The following MEGF8 variants were observed in gnomAD, a reference collection of about 807,000 sequenced individuals.
MEGF8 encodes the protein multiple epidermal growth factor-like domains protein 8.
A neutral mutation model predicts 302.9 loss-of-function variants in MEGF8; 156 were observed. The observed-to-expected ratio is 0.52, with a 90% CI of 0.45 to 0.59. The LOEUF (loss-of-function observed/expected upper bound fraction) is 0.59, where lower values mean the gene tolerates loss of function less well. Ranked by LOEUF, MEGF8 falls within the 20% of genes least tolerant of loss-of-function variation. The pLI, the probability that MEGF8 is intolerant of heterozygous loss-of-function variation, is 0.00. For synonymous variants in MEGF8, 1,621 were observed against 1,660.5 expected (o/e 0.98, Z 0.58); for missense variants, 3,345 against 3,964.5 (o/e 0.84, Z 4.20).
chr19:42,376,444 T>A lies in MEGF8; in HGVS notation c.8207T>A (p.Leu2736Gln). The A allele has an allele frequency of 6.2e-7, 1 of 1,611,730 alleles. No individual in the cohort carries two copies. The highest frequency in any genetic ancestry group is 8.5e-7 in the Non-Finnish European group (1 of 1,179,396). ...RRSEPFLAPLLLTGAGGPWGP... is the reference protein window; with the variant it reads ...RRSEPFLAPLQLTGAGGPWGP... ...TCTGAGCCCTTCCTGGCACCCCTGC[T>A]GCTGACAGGGGCCGGTGGGCCCTGG... The change falls in exon 42 of 42, where the codon CTG becomes CAG. Residue 2736 changes from leucine (L) to glutamine (Q), a missense_variant. Transcript: ENST00000251268. This position sits in a 1 kb window ranked among gnomAD's most constrained non-coding sequence, Gnocchi z 8.2.
chr19:42,378,387 G>A lies in MEGF8; in HGVS notation c.*1612G>A, dbSNP rs1036794574. The A allele has an allele frequency of 2.6e-5, 4 of 153,802 alleles. No homozygotes were observed. The highest frequency in any genetic ancestry group is 6.5e-5 in the Admixed American group (1 of 15,288). The allele number at this position is 153,802 out of a possible 1,614,324, so 9.5% of individuals were successfully genotyped here. On this transcript the variant is annotated 3_prime_UTR_variant, in exon 42 of 42. Coordinates refer to ENST00000251268, the MANE Select transcript of MEGF8 (RefSeq NM_001271938.2). ...ACCTCTGCCTGAGATCCCACCCCAGGTGGGCATGGGGGCCACTGAGGTTGG... is the reference window on the plus strand; with the variant it reads ...ACCTCTGCCTGAGATCCCACCCCAGATGGGCATGGGGGCCACTGAGGTTGG...
intron 41 of MEGF8, among the ~76,000 whole-genome samples, chr19:42,371,688 C>G (rs777621779): frequency 1.9e-4 from 29 of 152,290 alleles, no homozygotes; most frequent in Non-Finnish European, 3.5e-4. Context: ...ATATGAGCCT[C>G]TGGGGGACTC....
rs115881900 is a variant in MEGF8 at position 42,341,998 on chromosome 19, G to T, written c.1514-1479G>T. On this transcript the variant is annotated intron_variant, in intron 8 of 41. Coordinates refer to ENST00000251268, the MANE Select transcript of MEGF8 (RefSeq NM_001271938.2). ...AAAGGAGAGAGAGGAGAGGACAAGC[G>T]TAAGGAAGGAACCTTAGCACTTAAG... 2.9e-3 allele frequency among the ~76,000 whole-genome samples: 447 copies of T among 152,308 alleles called. 6 individuals carry two copies. Among genetic ancestry groups the T allele is most frequent in the African/African-American group, 0.01 (434 of 41,562 alleles).
In MEGF8 at chr19:42,368,575, C is replaced by T. The variant is rs371194840; in HGVS notation, c.6394C>T (p.Arg2132Trp). 1.8e-5 allele frequency: 29 copies of T among 1,586,918 alleles called. No individual in the cohort carries two copies. Among genetic ancestry groups the T allele is most frequent in the Middle Eastern group, 3.3e-4 (2 of 6,022 alleles). Reference sequence around the variant, plus strand: ...GGCAACTCAGTGCGCCTTGTGCCTGCGGCGCCCCCATTGCGGCTGGTGTGC... The same window carrying T: ...GGCAACTCAGTGCGCCTTGTGCCTGTGGCGCCCCCATTGCGGCTGGTGTGC... ...AQATQCALCL[R>W]RPHCGWCAWG... is the part of the protein sequence containing the mutation. The change falls in exon 36 of 42, where the codon CGG becomes TGG. Residue 2132 changes from arginine to tryptophan, a missense_variant. Arg to Trp is a moderately radical substitution (Grantham distance 101). Transcript: ENST00000251268. This position sits in a 1 kb window ranked among gnomAD's most constrained non-coding sequence, Gnocchi z 4.9.
At position 42,356,327 on chromosome 19, in the gene MEGF8, A is replaced by C. The variant is rs1255758141; in HGVS notation, c.4504-8A>C. ...AGCCTGATCCCCAATGTCCGCACCC[A>C]CCCCTAGGACACTGCCAGCCGCTTC... On this transcript the variant is annotated splice_region_variant and splice_polypyrimidine_tract_variant and intron_variant, in intron 25 of 41. Transcript: ENST00000251268. This position sits in a 1 kb window ranked among gnomAD's most constrained non-coding sequence, Gnocchi z 5.2. 1.4e-5 allele frequency: 22 copies of C among 1,608,644 alleles called. No homozygotes were observed. The highest frequency in any genetic ancestry group is 1.7e-5 in the Non-Finnish European group (20 of 1,178,172).
In MEGF8 at chr19:42,375,983, G is replaced by A; in HGVS notation, c.7746G>A (p.Glu2582=). The A allele has an allele frequency of 6.2e-7, 1 of 1,606,952 alleles. No individual in the cohort carries two copies. Among genetic ancestry groups the A allele is most frequent in the South Asian group, 1.1e-5 (1 of 90,670 alleles). ...RGLITYVTVT[E]PSAVLVVRGV... ...TGATTACCTACGTGACGGTGACGGA[G>A]CCGTCGGCAGTGCTGGTGGTCCGCG... Residue 2582 remains glutamate, a synonymous_variant, in exon 42 of 42, where the codon GAG becomes GAA. Coordinates refer to ENST00000251268, the MANE Select transcript of MEGF8 (RefSeq NM_001271938.2). This position sits in a 1 kb window ranked among gnomAD's most constrained non-coding sequence, Gnocchi z 7.1.
At position 42,326,148 on chromosome 19, in the gene MEGF8, T is replaced by C. The variant is rs552665692; in HGVS notation, c.-96T>C. On this transcript the variant is annotated 5_prime_UTR_variant, in exon 1 of 42. It removes the in-frame stop codon of an upstream open reading frame in the 5' UTR. Coordinates refer to ENST00000251268, the MANE Select transcript of MEGF8 (RefSeq NM_001271938.2). ...GATCTACAAGGTCATGTTATGCCTA[T>C]AGAGGTCGCATTTGCAGGGCCTCAC... 5 of 1,397,432 alleles carry C rather than the reference T, an allele frequency of 3.6e-6. No individual in the cohort carries two copies. Among genetic ancestry groups the C allele is most frequent in the Middle Eastern group, 2.7e-4 (1 of 3,772 alleles). The allele number at this position is 1,397,432 out of a possible 1,614,324, so 86.6% of individuals were successfully genotyped here.
At position 42,352,245 on chromosome 19, in the gene MEGF8, G is replaced by T. The variant is rs1320734567; in HGVS notation, c.3139G>T (p.Gly1047Cys). 16 of 1,558,330 alleles carry T rather than the reference G, an allele frequency of 1.0e-5. No individual in the cohort carries two copies. The highest frequency in any genetic ancestry group is 1.4e-5 in the African/African-American group (1 of 73,816). ...QGDFSGPLGG[G>C]NCSLWVGEGL... ...GGACTTCTCAGGGCCCCTCGGTGGG[G>T]GTAACTGCTCCCTGTGGGTGGGGGA... The change falls in exon 19 of 42, where the codon GGT becomes TGT. Residue 1047 changes from glycine to cysteine, a missense_variant. By Grantham distance (159) the Gly-to-Cys change is radical. Transcript: ENST00000251268. This position sits in a 1 kb window ranked among gnomAD's most constrained non-coding sequence, Gnocchi z 4.4.
chr19:42,355,658 T>C, intron 23 of MEGF8, 100 bp from the exon 24 acceptor site: 1 of 1,437,364 alleles, frequency 7.0e-7, no homozygotes, highest in Non-Finnish European at 9.2e-7. Flanking sequence ...ATATGGTGCC[T>C]TCCTTCCCTG....
chr19:42,334,126 G>C lies in MEGF8; in HGVS notation c.471G>C (p.Val157=). The stretch of plus-strand genomic sequence containing the variant: ...ACGGGCAGTGCCAGCCACCGGGTGT[G>C]TGTGCCTGCGAGCCGGGCTGGGGGG... ...QSHGQCQPPG[V]CACEPGWGGP... Residue 157 remains valine, a synonymous_variant, in exon 3 of 42, where the codon GTG becomes GTC. Coordinates refer to ENST00000251268, the MANE Select transcript of MEGF8 (RefSeq NM_001271938.2). 6.2e-7 allele frequency: 1 copy of C among 1,612,572 alleles called. No individual in the cohort carries two copies. The highest frequency in any genetic ancestry group is 8.5e-7 in the Non-Finnish European group (1 of 1,179,786).
In MEGF8 at chr19:42,350,380, C is replaced by G; in HGVS notation, c.2732C>G (p.Thr911Ser). The change falls in exon 15 of 42, where the codon ACC becomes AGC. Residue 911 changes from threonine (T) to serine (S), a missense_variant. Transcript: ENST00000251268. ...GAGCATCGGGACTGCCACGCCTGCA[C>G]CCAGGTGCCTGTGGGGCCACCAGGG... ...CEEHRDCHACTQDPFCEWHQS... is the reference protein window; with the variant it reads ...CEEHRDCHACSQDPFCEWHQS... The G allele has an allele frequency of 6.5e-7, 1 of 1,537,360 alleles. No homozygotes were observed. The highest frequency in any genetic ancestry group is 8.8e-7 in the Non-Finnish European group (1 of 1,142,640).
Position 42,349,622 on chromosome 19 carries a change from C to T in MEGF8, c.2422C>T (p.Gln808Ter). 6.2e-7 allele frequency: 1 copy of T among 1,612,288 alleles called. No individual in the cohort carries two copies. The highest frequency in any genetic ancestry group is 8.5e-7 in the Non-Finnish European group (1 of 1,179,810). Reference protein sequence around the residue: ...DHKYAVEIQGQLNGSAGPGHS... With the variant: ...DHKYAVEIQG ...CAAGTATGCAGTAGAGATCCAGGGCCAGCTCAATGGCTCGGCAGGCCCTGG... is the reference window on the plus strand; with the variant it reads ...CAAGTATGCAGTAGAGATCCAGGGCTAGCTCAATGGCTCGGCAGGCCCTGG... The change falls in exon 14 of 42, where the codon CAG becomes TAG. Residue 808 changes from glutamine (Q) to a stop codon, truncating the protein, a stop_gained. Coordinates refer to ENST00000251268, the MANE Select transcript of MEGF8 (RefSeq NM_001271938.2). LOFTEE classifies it high-confidence loss of function.
At position 42,376,055 on chromosome 19, in the gene MEGF8, C is replaced by A; in HGVS notation, c.7818C>A (p.Ala2606=). 6.2e-7 allele frequency: 1 copy of A among 1,604,430 alleles called. No individual in the cohort carries two copies. ...LVITYPHEHH[A]LKSSRFYLLL... ...TCACCTACCCACACGAGCACCATGC[C>A]CTCAAGTCGAGCCGCTTCTACCTGC... The change falls in exon 42 of 42, where the codon GCC becomes GCA. Residue 2606 remains alanine (A), a synonymous_variant. Coordinates refer to ENST00000251268, the MANE Select transcript of MEGF8 (RefSeq NM_001271938.2). The surrounding 1 kb of genome is among the most constrained non-coding windows in gnomAD (Gnocchi z 8.2).
At position 42,334,053 on chromosome 19, in the gene MEGF8, T is replaced by A. The variant is rs773970699; in HGVS notation, c.398T>A (p.Phe133Tyr). The A allele has an allele frequency of 5.0e-6, 8 of 1,613,852 alleles. No individual in the cohort carries two copies. The highest frequency in any genetic ancestry group is 6.8e-6 in the Non-Finnish European group (8 of 1,179,842). ...FSDANYNLLG[F>Y]NASFRFSLCP... Reference sequence around the variant, plus strand: ...GATGCCAACTACAACCTGCTGGGCTTTAACGCCTCATTCCGCTTCTCCCTG... The same window carrying A: ...GATGCCAACTACAACCTGCTGGGCTATAACGCCTCATTCCGCTTCTCCCTG... Residue 133 changes from phenylalanine to tyrosine, a missense_variant, in exon 3 of 42, where the codon TTT becomes TAT. Physicochemically the swap from Phe to Tyr is conservative, Grantham distance 22 (BLOSUM62 3). Coordinates refer to ENST00000251268, the MANE Select transcript of MEGF8 (RefSeq NM_001271938.2).
chr19:42,366,821 C>T (rs946412597), intron 35 of MEGF8, among the ~76,000 whole-genome samples: 1 of 152,192 alleles, frequency 6.6e-6, no homozygotes, highest in South Asian at 2.1e-4. Context: ...TCAGGGTTCT[C>T]TACCCCTCCC....
intron 5 of MEGF8, 36 bp from the exon 6 acceptor site, chr19:42,335,895 G>T: frequency 7.0e-7 from 1 of 1,437,752 alleles, no homozygotes; most frequent in African/African-American, 1.4e-5. Context: ...CTCTCTTGCT[G>T]TGTCTCTACC....
At chr19:42,346,984 C>CAAA (rs767117534) in intron 12 of MEGF8, among the ~76,000 whole-genome samples, 3 of 49,756 alleles carry the variant, frequency 6.0e-5, no homozygotes, top group African/African-American at 1.5e-4. Context: ...GACTCTGTCT[C>CAAA]AAAAAAAAAA....
Position 42,336,079 on chromosome 19 carries a change from C to G in MEGF8, c.977C>G (p.Ser326Cys). The change falls in exon 6 of 42, where the codon TCC (serine) becomes TGC (cysteine). Residue 326 changes from serine (S) to cysteine (C), a missense_variant. Physicochemically the swap from Ser to Cys is moderately radical, Grantham distance 112. Coordinates refer to ENST00000251268, the MANE Select transcript of MEGF8 (RefSeq NM_001271938.2). The surrounding 1 kb of genome is among the most constrained non-coding windows in gnomAD (Gnocchi z 4.8). ...GHWELLAPPA[S>C]SSSGPPGLAG... ...TGGGAGCTCCTGGCACCACCTGCCT[C>G]CAGCTCCTCGGGGCCCCCAGGCCTG... The G allele has an allele frequency of 1.0e-5, 16 of 1,598,714 alleles. No individual in the cohort carries two copies. Among genetic ancestry groups the G allele is most frequent in the Non-Finnish European group, 1.4e-5 (16 of 1,175,768 alleles).
rs1482402188 is a variant in MEGF8, at chr19:42,369,819, C to G, written c.6834+96C>G. ...GGCGGCTCGCATCTCATCCTGAGCC[C>G]TGATAAGCCAGGGACAGATAAGCCA... On this transcript the variant is annotated intron_variant, in intron 38 of 41. Coordinates refer to ENST00000251268, the MANE Select transcript of MEGF8 (RefSeq NM_001271938.2). The surrounding 1 kb of genome is among the most constrained non-coding windows in gnomAD (Gnocchi z 5.7). The G allele has an allele frequency of 1.5e-6, 2 of 1,333,694 alleles. No homozygotes were observed. The highest frequency in any genetic ancestry group is 2.0e-6 in the Non-Finnish European group (2 of 982,366). 82.6% of individuals were successfully genotyped at this position (1,333,694 alleles called of 1,614,324 possible).
Sources: gnomAD v4.1 joint callset for allele counts (sites outside exome capture counted in the v4.1 genomes callset) on GRCh38, gnomAD v4.1.1 for gene constraint, Gnocchi (gnomAD v3.1) non-coding constraint, MANE v1.5 for transcripts, NCBI Gene and HGNC (gene_info 2026-07-23, HGNC 2026-07-21) for gene names.